Variants in C8orf74 observed in about 807,000 individuals in gnomAD.
C8orf74 encodes the protein chromosome 8 open reading frame 74, also known as uncharacterized protein C8orf74.
Under a neutral mutation model 22.2 loss-of-function variants are expected in C8orf74, and 29 were observed. The ratio of observed to expected loss-of-function variants is 1.31; its 90% CI spans 0.97 to 1.78. C8orf74 has a LOEUF of 1.78. Among genes scored for constraint, C8orf74 ranks in the 40% most tolerant of loss-of-function variants. The pLI, the probability that C8orf74 is intolerant of heterozygous loss-of-function variation, is 0.00. For synonymous variants in C8orf74, 255 were observed against 163.1 expected, an observed-to-expected ratio of 1.56 and a Z score of -4.30; for missense variants, 515 against 369.9, an observed-to-expected ratio of 1.39 and a Z score of -3.22.
intron 2 of C8orf74, among the ~76,000 whole-genome samples, chr8:10,679,053 C>T (rs2129056498): frequency 6.6e-6 from 1 of 152,338 alleles, no homozygotes; most frequent in African/African-American, 2.4e-5. Context: ...CCAGGCTGAG[C>T]CCTACATGTT....
chr8:10,688,130 G>C (rs1362639169), intron 2 of C8orf74, among the ~76,000 whole-genome samples: 1 of 151,556 alleles, frequency 6.6e-6, no homozygotes, highest in African/African-American at 2.4e-5. Context: ...ACTTGAACGT[G>C]GGAGGTGGAG....
Position 10,697,429 on chromosome 8 carries a change from T to A in C8orf74, c.242-170T>A, listed in dbSNP as rs112347380. ...TTGCACCACTGCACTCCAGCCTGGGTGAGAGTTAGACCCCGTCTCAAAAAA... is the reference window on the plus strand; with the variant it reads ...TTGCACCACTGCACTCCAGCCTGGGAGAGAGTTAGACCCCGTCTCAAAAAA... On this transcript the variant is annotated intron_variant, in intron 2 of 3. Transcript: ENST00000304519. Among the ~76,000 whole-genome samples, 1,444 of 152,176 alleles carry A rather than the reference T, an allele frequency of 9.5e-3. 17 individuals carry two copies. Among genetic ancestry groups the A allele is most frequent in the Admixed American group, 0.024 (366 of 15,286 alleles).
At chr8:10,677,066 C>T (rs1283836922) in intron 2 of C8orf74, among the ~76,000 whole-genome samples, 1 of 152,122 alleles carries the variant, frequency 6.6e-6, no homozygotes, top group African/African-American at 2.4e-5. Context: ...ATGGACTCAC[C>T]AACTGAGTGC....
At chr8:10,696,410 T>C (rs1799498984) in intron 2 of C8orf74, among the ~76,000 whole-genome samples, 2 of 149,570 alleles carry the variant, frequency 1.3e-5, no homozygotes, top group Admixed American at 6.6e-5. Context: ...CCTGCTCCAC[T>C]CTTTTTTTTT....
intron 2 of C8orf74, among the ~76,000 whole-genome samples, chr8:10,694,205 A>ATATGACTTATTTGTTGTCATATAC (rs1264360782): frequency 6.6e-6 from 1 of 152,106 alleles, no homozygotes; most frequent in Non-Finnish European, 1.5e-5. Context: ...AGAGCAGGGG[A>ATATGACTTATTTGTTGTCATATAC]TATGACTTAT....
At chr8:10,676,536 C>A (rs1425473521) in intron 2 of C8orf74, among the ~76,000 whole-genome samples, 1 of 152,248 alleles carries the variant, frequency 6.6e-6, no homozygotes. Flanking sequence ...CCAGTGCTCC[C>A]AGCCTTAGGC....
chr8:10,687,083 C>G (rs1483822020), intron 2 of C8orf74: 1 of 456,148 alleles, frequency 2.2e-6, no homozygotes, highest in Non-Finnish European at 4.4e-6. Flanking sequence ...AAACCAGGTT[C>G]AGTCCAGGAG....
chr8:10,696,507 G>T (rs10099183), intron 2 of C8orf74, among the ~76,000 whole-genome samples: 3,249 of 137,300 alleles, frequency 0.024, 121 homozygotes, highest in African/African-American at 0.084. Context: ...GTGCAGTGTA[G>T]CTCGATCTCA....
chr8:10,695,839 G>A (rs776241225), intron 2 of C8orf74, among the ~76,000 whole-genome samples: 3 of 152,172 alleles, frequency 2.0e-5, no homozygotes, highest in Non-Finnish European at 4.4e-5. Context: ...GAAAAGCCCG[G>A]CTCCTTGCCT....
At position 10,700,406 on chromosome 8, in the gene C8orf74, G is replaced by C; in HGVS notation, c.820G>C (p.Gly274Arg). 1 of 1,458,432 alleles carries C rather than the reference G, an allele frequency of 6.9e-7. No homozygotes were observed. Among genetic ancestry groups the C allele is most frequent in the Non-Finnish European group, 9.2e-7 (1 of 1,082,352 alleles). 90.3% of individuals were successfully genotyped at this position (1,458,432 alleles called of 1,614,324 possible). A position where few individuals can be genotyped will look rare whatever the true frequency, so the allele number is the denominator to read the frequency against. Residue 274 changes from glycine to arginine, a missense_variant, in exon 4 of 4, where the codon GGC becomes CGC. Physicochemically the swap from Gly to Arg is moderately radical, Grantham distance 125. Transcript: ENST00000304519. Reference sequence around the variant, plus strand: ...CCCGCCCCCCATCACCAGCCACGCAGGCCAGGAGGAAGCCCTGAAGCCCCA... The same window carrying C: ...CCCGCCCCCCATCACCAGCCACGCACGCCAGGAGGAAGCCCTGAAGCCCCA... Reference protein sequence around the residue: ...PIPPPITSHAGQEEALKPQRA... With the variant: ...PIPPPITSHARQEEALKPQRA...
rs531218592 is a variant in C8orf74 at position 10,680,574 on chromosome 8, C to T, written c.241+5736C>T. Reference sequence around the variant, plus strand: ...AGGCCATCAGGGTGCTCACTGTCTACACCCTTTCTTGTCTTGCCTTCATCC... The same window carrying T: ...AGGCCATCAGGGTGCTCACTGTCTATACCCTTTCTTGTCTTGCCTTCATCC... On this transcript the variant is annotated intron_variant, in intron 2 of 3. Coordinates refer to ENST00000304519, the MANE Select transcript of C8orf74 (RefSeq NM_001040032.2). Among the ~76,000 whole-genome samples, 47 of 152,356 alleles carry T rather than the reference C, an allele frequency of 3.1e-4. No individual in the cohort carries two copies. The East Asian group carries it at 6.6e-3, about 21-fold the overall frequency.
intron 2 of C8orf74, among the ~76,000 whole-genome samples, chr8:10,693,244 C>A (rs1458226776): frequency 6.6e-6 from 1 of 152,208 alleles, no homozygotes; most frequent in African/African-American, 2.4e-5. Context: ...GCTGCTCCCC[C>A]TCTTGCCTTG....
rs570194966 is a variant in C8orf74 at position 10,682,320 on chromosome 8, A to G, written c.241+7482A>G. 3.3e-5 allele frequency among the ~76,000 whole-genome samples: 5 copies of G among 152,172 alleles called. No homozygotes were observed. The South Asian group carries it at 1.0e-3, about 32-fold the overall frequency. On this transcript the variant is annotated intron_variant, in intron 2 of 3. Transcript: ENST00000304519. ...CAAACGAGCAGCTCTCCTTTTGTAGATGCCTCCGTGCAGTATTAGTTTACC... is the reference window on the plus strand; with the variant it reads ...CAAACGAGCAGCTCTCCTTTTGTAGGTGCCTCCGTGCAGTATTAGTTTACC...
chr8:10,686,538 C>T (rs1490765826), intron 2 of C8orf74: 1 of 152,656 alleles, frequency 6.6e-6, no homozygotes, highest in Non-Finnish European at 1.5e-5. Context: ...TAAGCACCCA[C>T]ATGCTTTTCA....
intron 2 of C8orf74, among the ~76,000 whole-genome samples, chr8:10,685,017 G>A (rs114074661): frequency 0.011 from 1,664 of 152,332 alleles, 24 homozygotes; most frequent in African/African-American, 0.032. Context: ...CCCACAGGGG[G>A]CGGAGCAAGA....
chr8:10,683,738 C>G (rs1287611709), intron 2 of C8orf74, among the ~76,000 whole-genome samples: 2 of 152,184 alleles, frequency 1.3e-5, no homozygotes, highest in African/African-American at 2.4e-5. Context: ...GGATCCAACC[C>G]CCATCTGACA....
intron 2 of C8orf74, among the ~76,000 whole-genome samples, chr8:10,685,667 T>C (rs1586040123): frequency 6.6e-6 from 1 of 152,278 alleles, no homozygotes; most frequent in Non-Finnish European, 1.5e-5. Flanking sequence ...TAATGTTTAA[T>C]GGATATGGAG....
rs751336769 is a variant in C8orf74 at position 10,672,713 on chromosome 8, G to T, written c.48G>T (p.Gln16His). Residue 16 changes from glutamine to histidine, a missense_variant and splice_region_variant, in exon 1 of 4, where the codon CAG becomes CAT. Gln to His is a conservative substitution (Grantham distance 24). Coordinates refer to ENST00000304519, the MANE Select transcript of C8orf74 (RefSeq NM_001040032.2). The stretch of plus-strand genomic sequence containing the variant: ...GAGTGAAAGAAGTCTTCCAACTTCA[G>T]GTGAAGGAAGAGAAAATGTGGCTTT... ...PQGVKEVFQLQRPQGRERLRR... is the reference protein window; with the variant it reads ...PQGVKEVFQLHRPQGRERLRR... The T allele has an allele frequency of 2.6e-6, 4 of 1,557,058 alleles. No homozygotes were observed. The South Asian group carries it at 4.7e-5, about 18-fold the overall frequency.
At chr8:10,693,265 C>T (rs1050312547) in intron 2 of C8orf74, among the ~76,000 whole-genome samples, 2 of 152,212 alleles carry the variant, frequency 1.3e-5, no homozygotes, top group Admixed American at 1.3e-4. Flanking sequence ...CCCTTCACCA[C>T]CTCTCTTTGC....
Sources: gnomAD v4.1 joint callset for allele counts (sites outside exome capture counted in the v4.1 genomes callset) on GRCh38, gnomAD v4.1.1 for gene constraint, MANE v1.5 for transcripts, NCBI Gene and HGNC (gene_info 2026-07-23, HGNC 2026-07-21) for gene names.